PPP1R7: variants seen among roughly 807,000 people sequenced by gnomAD.
The protein encoded by PPP1R7 is protein phosphatase 1 regulatory subunit 22.
In PPP1R7, 18 loss-of-function variants were observed where a neutral mutation model predicts 45.2. The ratio of observed to expected loss-of-function variants is 0.40; its 90% confidence interval spans 0.28 to 0.59. PPP1R7 has a LOEUF of 0.59. PPP1R7 is among the 20% of genes least tolerant of loss of function. PPP1R7 has a pLI of 0.46. For missense variants in PPP1R7, 314 were observed against 455.8 expected (o/e 0.69, Z 2.83); for synonymous variants, 181 against 183.4 (o/e 0.99, Z 0.11).
intron 6 of PPP1R7, among the ~76,000 whole-genome samples, chr2:241,161,955 G>A (rs1463654340): frequency 6.6e-6 from 1 of 152,180 alleles, no homozygotes; most frequent in Non-Finnish European, 1.5e-5. Context: ...TGTTCAGAAT[G>A]CCCCTCTACT....
At chr2:241,165,875 G>A (rs2067694079) in intron 7 of PPP1R7, among the ~76,000 whole-genome samples, 1 of 150,978 alleles carries the variant, frequency 6.6e-6, no homozygotes, top group Admixed American at 6.6e-5. Context: ...GGGATTACAG[G>A]CGTGAGCCAC....
chr2:241,179,671 G>A (rs1291195016), intron 9 of PPP1R7, among the ~76,000 whole-genome samples: 4 of 152,346 alleles, frequency 2.6e-5, no homozygotes, highest in East Asian at 1.9e-4. Context: ...GCCCCAGTGT[G>A]CAGAACTTGA....
chr2:241,150,349 T>A, upstream of PPP1R7: 1 of 1,324,494 alleles, frequency 7.6e-7, no homozygotes, highest in Non-Finnish European at 9.7e-7. Context: ...GAACTACAAC[T>A]CCCATGAGGC....
intron 1 of PPP1R7, among the ~76,000 whole-genome samples, chr2:241,153,064 T>C (rs1414870673): frequency 1.3e-5 from 2 of 152,150 alleles, no homozygotes; most frequent in Non-Finnish European, 2.9e-5. Context: ...GCCAGATAAA[T>C]AGTGGAGCAT....
In PPP1R7 at chr2:241,179,680, G is replaced by A. The variant is rs899201450; in HGVS notation, c.907-2967G>A. Among the ~76,000 whole-genome samples the A allele has an allele frequency of 2.0e-5, 3 of 152,212 alleles. No homozygotes were observed. The South Asian group carries it at 6.2e-4, about 32-fold the overall frequency. ...CTGACAGCCCCAGTGTGCAGAACTT[G>A]ATAAGAGAAACATAAGGTCATCTTT... is the stretch of plus-strand genomic sequence containing the variant. On this transcript the variant is annotated intron_variant, in intron 9 of 9. Transcript: ENST00000234038.
chr2:241,182,936 A>G lies in PPP1R7; in HGVS notation c.*113A>G. 2 of 1,255,816 alleles carry G rather than the reference A, an allele frequency of 1.6e-6. No homozygotes were observed. The highest frequency in any genetic ancestry group is 1.1e-6 in the Non-Finnish European group (1 of 917,982). 77.8% of individuals were successfully genotyped at this position (1,255,816 alleles called of 1,614,324 possible). ...CACTATATCAACAGTCACAAACCCAATGGCAATAAAGGCACTGACGATAGC... is the reference window on the plus strand; with the variant it reads ...CACTATATCAACAGTCACAAACCCAGTGGCAATAAAGGCACTGACGATAGC... On this transcript the variant is annotated 3_prime_UTR_variant, in exon 10 of 10. Transcript: ENST00000234038.
intron 9 of PPP1R7, among the ~76,000 whole-genome samples, chr2:241,180,100 AAGG>A (rs1185938803): frequency 6.6e-6 from 1 of 152,218 alleles, no homozygotes. Context: ...ATCGAGAAAG[AAGG>A]AGGTGACACA....
chr2:241,162,140 T>C (rs1305286179), intron 6 of PPP1R7, among the ~76,000 whole-genome samples: 1 of 152,186 alleles, frequency 6.6e-6, no homozygotes, highest in Non-Finnish European at 1.5e-5. Context: ...AGCCCAGATG[T>C]CCGCATTTTA....
At chr2:241,157,759 CT>C (rs1559418410) in intron 2 of PPP1R7, 47 bp from the exon 3 acceptor site, 1 of 1,569,268 alleles carries the variant, frequency 6.4e-7, no homozygotes, top group Non-Finnish European at 8.7e-7. Context: ...TCACCAGTGC[CT>C]CCTGTTAATG....
Position 241,182,874 on chromosome 2 carries a change from C to T in PPP1R7, c.*51C>T, listed in dbSNP as rs745413051. On this transcript the variant is annotated 3_prime_UTR_variant, in exon 10 of 10. Transcript: ENST00000234038. ...CCTCTCCTCGGAAGAACTGCCCAGCCACGGGTTTTTAACCCACCTGTTGCT... is the reference window on the plus strand; with the variant it reads ...CCTCTCCTCGGAAGAACTGCCCAGCTACGGGTTTTTAACCCACCTGTTGCT... The T allele has an allele frequency of 1.9e-6, 3 of 1,577,036 alleles. No homozygotes were observed. The highest frequency in any genetic ancestry group is 1.7e-6 in the Non-Finnish European group (2 of 1,154,734).
chr2:241,150,689 C>T (rs1330647946), intron 1 of PPP1R7, 142 bp downstream of exon 1: 4 of 1,271,096 alleles, frequency 3.1e-6, no homozygotes, highest in South Asian at 4.2e-5. Flanking sequence ...ACAGCCGGAC[C>T]CGGGGGAGCG....
chr2:241,163,029 G>A (rs2149058103), intron 6 of PPP1R7, among the ~76,000 whole-genome samples: 1 of 152,278 alleles, frequency 6.6e-6, no homozygotes, highest in East Asian at 1.9e-4. Flanking sequence ...GAATCTACTG[G>A]TCCTTGGGTT....
chr2:241,166,742 G>A (rs1439123673), intron 8 of PPP1R7, among the ~76,000 whole-genome samples: 1 of 152,084 alleles, frequency 6.6e-6, no homozygotes, highest in African/African-American at 2.4e-5. Flanking sequence ...AGCATCCATT[G>A]CACACCCACT....
Position 241,150,567 on chromosome 2 carries a change from G to T in PPP1R7, c.52+20G>T. ...TGGAGGGTGAGCGGCCCCTGCGGGC[G>T]GCGGCCCAAGGGCCCAGCGGGCGGG... is the stretch of plus-strand genomic sequence containing the variant. On this transcript the variant is annotated intron_variant, in intron 1 of 9. Coordinates refer to ENST00000234038, the MANE Select transcript of PPP1R7 (RefSeq NM_002712.3). 1 of 1,583,726 alleles carries T rather than the reference G, an allele frequency of 6.3e-7. No individual in the cohort carries two copies. Among genetic ancestry groups the T allele is most frequent in the East Asian group, 2.4e-5 (1 of 41,584 alleles).
intron 1 of PPP1R7, among the ~76,000 whole-genome samples, chr2:241,150,836 C>A (rs1222181817): frequency 6.6e-6 from 1 of 152,142 alleles, no homozygotes; most frequent in African/African-American, 2.4e-5. Flanking sequence ...TCCATTCAGT[C>A]CAGTTGGAGC....
At chr2:241,167,816 A>G (rs898773999) in intron 8 of PPP1R7, among the ~76,000 whole-genome samples, 2 of 152,252 alleles carry the variant, frequency 1.3e-5, no homozygotes, top group African/African-American at 4.8e-5. Context: ...ATCAAATGTG[A>G]CAGTCTTTCT....
At chr2:241,174,616 A>G (rs1224860739) in intron 9 of PPP1R7, among the ~76,000 whole-genome samples, 1 of 151,886 alleles carries the variant, frequency 6.6e-6, no homozygotes, top group Non-Finnish European at 1.5e-5. Context: ...TCTCTCAAGA[A>G]TCACTATCTG....
intron 8 of PPP1R7, among the ~76,000 whole-genome samples, chr2:241,167,388 A>G (rs1559424153): frequency 6.6e-6 from 1 of 152,238 alleles, no homozygotes; most frequent in Non-Finnish European, 1.5e-5. Flanking sequence ...TTGCATTGAA[A>G]TTAAAAGTTT....
chr2:241,174,918 G>T (rs542000881), intron 9 of PPP1R7, among the ~76,000 whole-genome samples: 3 of 151,924 alleles, frequency 2.0e-5, no homozygotes, highest in African/African-American at 4.8e-5. Context: ...CTCATGATCC[G>T]CCCGCCTTGG....
Sources: gnomAD v4.1 joint callset for allele counts (sites outside exome capture counted in the v4.1 genomes callset) on GRCh38, gnomAD v4.1.1 for gene constraint, MANE v1.5 for transcripts, NCBI Gene and HGNC (gene_info 2026-07-23, HGNC 2026-07-21) for gene names.